Variants in DLG2 observed in about 807,000 individuals in gnomAD.
DLG2 encodes disks large homolog 2.
DLG2 carries 45 observed loss-of-function variants against 132.5 expected under a neutral mutation model. The observed-to-expected ratio is 0.34, with a 90% confidence interval of 0.27 to 0.44. The LOEUF (loss-of-function observed/expected upper bound fraction) is 0.44, where lower values mean the gene tolerates loss of function less well. Ranked by LOEUF, DLG2 falls within the 20% of genes least tolerant of loss-of-function variation. The probability of loss-of-function intolerance (pLI) is 1.00; values close to 1 mark genes in which losing one functional copy is unlikely to be tolerated. For missense variants in DLG2, 1,045 were observed against 1,196.9 expected, an observed-to-expected ratio of 0.87 and a Z score of 1.87; for synonymous variants, 424 against 419.6, an observed-to-expected ratio of 1.01 and a Z score of -0.13.
chr11:85,120,233 T>C (rs918830385), intron 5 of DLG2, among the ~76,000 whole-genome samples: 1 of 152,088 alleles, frequency 6.6e-6, no homozygotes. Flanking sequence ...TTGGGACAAA[T>C]GTTAATCAAC....
intron 7 of DLG2, among the ~76,000 whole-genome samples, chr11:84,366,146 G>A (rs1327128968): frequency 6.6e-6 from 1 of 152,010 alleles, no homozygotes; most frequent in Admixed American, 6.6e-5. Context: ...AGAAGAGAGT[G>A]GGGGCCAATA....
chr11:83,910,537 G>A (rs2075857018), intron 15 of DLG2, among the ~76,000 whole-genome samples: 1 of 152,028 alleles, frequency 6.6e-6, no homozygotes, highest in Non-Finnish European at 1.5e-5. Flanking sequence ...ATAATACATA[G>A]TTTCAAATAG....
intron 18 of DLG2, among the ~76,000 whole-genome samples, chr11:83,752,767 G>T (rs1173327841): frequency 6.6e-6 from 1 of 152,194 alleles, no homozygotes; most frequent in East Asian, 1.9e-4. Context: ...ATACAAAGAG[G>T]AATTGCTGAA....
At chr11:84,024,908 C>T (rs1000616942) in intron 11 of DLG2, among the ~76,000 whole-genome samples, 3 of 151,432 alleles carry the variant, frequency 2.0e-5, no homozygotes, top group Non-Finnish European at 2.9e-5. Flanking sequence ...AATGTTCTCA[C>T]CACAAGGCAT....
chr11:85,179,307 T>C (rs2079535057), intron 4 of DLG2, among the ~76,000 whole-genome samples: 1 of 151,496 alleles, frequency 6.6e-6, no homozygotes, highest in African/African-American at 2.4e-5. Flanking sequence ...ACAACAATAA[T>C]TACTAAAGGA....
At chr11:85,295,274 G>C (rs1321264884) in intron 3 of DLG2, among the ~76,000 whole-genome samples, 2 of 152,074 alleles carry the variant, frequency 1.3e-5, no homozygotes, top group African/African-American at 4.8e-5. Flanking sequence ...CCAGTTTTAA[G>C]TTACATATTC....
chr11:83,478,342 A>G (rs1001237400), intron 22 of DLG2, among the ~76,000 whole-genome samples: 56 of 152,234 alleles, frequency 3.7e-4, no homozygotes, highest in African/African-American at 1.3e-3. Context: ...ACTCAAGCCA[A>G]TAGAGATAAT....
chr11:85,588,065 G>T (rs188394778), intron 3 of DLG2, among the ~76,000 whole-genome samples: 1 of 152,290 alleles, frequency 6.6e-6, no homozygotes, highest in East Asian at 1.9e-4. Context: ...TGAGAAATCT[G>T]CTGTTAATCT....
chr11:84,794,028 T>A (rs2074229484), intron 6 of DLG2, among the ~76,000 whole-genome samples: 1 of 152,200 alleles, frequency 6.6e-6, no homozygotes, highest in Non-Finnish European at 1.5e-5. Context: ...TCTGGTGGTA[T>A]GATTTAATTT....
chr11:84,735,220 C>T (rs1028891742), intron 6 of DLG2, among the ~76,000 whole-genome samples: 9 of 152,136 alleles, frequency 5.9e-5, no homozygotes, highest in Non-Finnish European at 1.0e-4. Context: ...ATGGTACCAG[C>T]TCCTCCTTGT....
At chr11:84,086,543 G>T (rs1452407778) in intron 10 of DLG2, among the ~76,000 whole-genome samples, 1 of 142,072 alleles carries the variant, frequency 7.0e-6, no homozygotes, top group Non-Finnish European at 1.5e-5. Flanking sequence ...TGACTGGAGT[G>T]TAGTAGTGCA....
At chr11:84,166,101 A>C (rs1301607676) in intron 8 of DLG2, among the ~76,000 whole-genome samples, 2 of 152,298 alleles carry the variant, frequency 1.3e-5, no homozygotes, top group South Asian at 2.1e-4. Context: ...CCTAATCTCT[A>C]TTCTCTCATT....
chr11:84,312,370 T>G (rs970029753), intron 7 of DLG2, among the ~76,000 whole-genome samples: 3 of 152,114 alleles, frequency 2.0e-5, no homozygotes, highest in Non-Finnish European at 2.9e-5. Context: ...TCCCAACTAC[T>G]CAGGAGACCG....
intron 6 of DLG2, among the ~76,000 whole-genome samples, chr11:84,774,747 G>T (rs2070126767): frequency 6.6e-6 from 1 of 152,008 alleles, no homozygotes; most frequent in African/African-American, 2.4e-5. Flanking sequence ...ATATGCAGAA[G>T]AATAAACCTG....
intron 4 of DLG2, among the ~76,000 whole-genome samples, chr11:85,211,379 T>A (rs1461759390): frequency 6.6e-6 from 1 of 152,162 alleles, no homozygotes; most frequent in Non-Finnish European, 1.5e-5. Context: ...CATAAACAGT[T>A]AATAATTTAA....
chr11:83,629,451 C>A (rs2063198613), intron 19 of DLG2, among the ~76,000 whole-genome samples: 1 of 152,066 alleles, frequency 6.6e-6, no homozygotes, highest in African/African-American at 2.4e-5. Flanking sequence ...TTCTCCTTCC[C>A]CTTGGTGGAA....
At chr11:84,505,387 T>C (rs1375047361) in intron 7 of DLG2, among the ~76,000 whole-genome samples, 1 of 152,186 alleles carries the variant, frequency 6.6e-6, no homozygotes, top group Non-Finnish European at 1.5e-5. Flanking sequence ...ATAAGTGCTT[T>C]CTCCATTTTT....
chr11:84,554,681 G>T (rs1372288487), intron 6 of DLG2, among the ~76,000 whole-genome samples: 1 of 152,072 alleles, frequency 6.6e-6, no homozygotes, highest in Non-Finnish European at 1.5e-5. Flanking sequence ...AGGATGGGGA[G>T]GTTGCGGTGA....
At chr11:84,309,563 T>C (rs1455320139) in intron 7 of DLG2, among the ~76,000 whole-genome samples, 1 of 152,182 alleles carries the variant, frequency 6.6e-6, no homozygotes. Context: ...CTACTAAGAT[T>C]CCATACAGTT....
Sources: allele counts gnomAD v4.1 joint callset (sites outside exome capture counted in the v4.1 genomes callset), GRCh38; gene constraint gnomAD v4.1.1; transcripts MANE v1.5; gene names NCBI Gene and HGNC (gene_info 2026-07-23, HGNC 2026-07-21).